Variants in PLOD1 observed in about 807,000 individuals in gnomAD.
PLOD1 encodes the protein procollagen-lysine,2-oxoglutarate 5-dioxygenase 1.
A neutral mutation model predicts 94.7 loss-of-function variants in PLOD1; 70 were observed. The ratio of observed to expected loss-of-function variants is 0.74; its 90% CI spans 0.61 to 0.90. PLOD1 has a LOEUF of 0.90. Ranked by LOEUF, PLOD1 falls within the 40% of genes least tolerant of loss-of-function variation. The pLI is 0.00. For synonymous variants in PLOD1, 417 were observed against 400.2 expected, an observed-to-expected ratio of 1.04 and a Z score of -0.50; for missense variants, 905 against 972.7, an observed-to-expected ratio of 0.93 and a Z score of 0.93.
chr1:11,938,656 G>C (rs1038412032), intron 1 of PLOD1, among the ~76,000 whole-genome samples: 1 of 152,172 alleles, frequency 6.6e-6, no homozygotes, highest in Non-Finnish European at 1.5e-5. Flanking sequence ...GGCAGCTACT[G>C]AGGTGGATTC....
rs755346019 is a variant in PLOD1 at position 11,970,677 on chromosome 1, G to A, written c.1763G>A (p.Arg588His). Residue 588 changes from arginine to histidine, a missense_variant, in exon 17 of 19, where the codon CGC (arginine) becomes CAC (histidine). Arg to His is a conservative substitution (Grantham distance 29). Transcript: ENST00000196061. ...CACCTCGGTCACCTCCAGGACAACC[G>A]CATCCAGGGTGGCTACGAGAACGTG... ...QWSLGNNKDNRIQGGYENVPT... is the reference protein window; with the variant it reads ...QWSLGNNKDNHIQGGYENVPT... The A allele has an allele frequency of 6.8e-6, 11 of 1,613,034 alleles. No homozygotes were observed. Among genetic ancestry groups the A allele is most frequent in the South Asian group, 2.2e-5 (2 of 91,064 alleles).
intron 1 of PLOD1, among the ~76,000 whole-genome samples, chr1:11,940,435 G>A (rs550736402): frequency 1.3e-5 from 2 of 152,218 alleles, no homozygotes; most frequent in South Asian, 4.1e-4. Context: ...GAACCCCCCC[G>A]CAGCTACCAA....
In PLOD1 at chr1:11,972,957, C is replaced by T; in HGVS notation, c.1988C>T (p.Thr663Ile). Residue 663 changes from threonine (T) to isoleucine (I), a missense_variant, in exon 18 of 19, where the codon ACC becomes ATC. Physicochemically the swap from Thr to Ile is moderately conservative, Grantham distance 89 (BLOSUM62 -1). Transcript: ENST00000196061. This position sits in a 1 kb window ranked among gnomAD's most constrained non-coding sequence, Gnocchi z 4.6. ...LMPHHDASTF[T>I]INIALNRVGV... Reference sequence around the variant, plus strand: ...CCACACCATGATGCCTCCACCTTCACCATCAACATCGCCCTGAACCGAGTC... The same window carrying T: ...CCACACCATGATGCCTCCACCTTCATCATCAACATCGCCCTGAACCGAGTC... The T allele has an allele frequency of 6.2e-7, 1 of 1,614,158 alleles. No individual in the cohort carries two copies. The highest frequency in any genetic ancestry group is 8.5e-7 in the Non-Finnish European group (1 of 1,180,010).
chr1:11,953,496 T>C lies in PLOD1; in HGVS notation c.579+761T>C, dbSNP rs142414747. Among the ~76,000 whole-genome samples, 60 of 152,086 alleles carry C rather than the reference T, an allele frequency of 3.9e-4. No individual in the cohort carries two copies. In the East Asian group the frequency reaches 0.011, roughly 29 times the overall value. On this transcript the variant is annotated intron_variant, in intron 5 of 18. Transcript: ENST00000196061. ...TCTCTGTCCCTTGTTTTTTCCGTTA[T>C]GAAATGCAATAATGGGCCAGACCCA...
Position 11,957,215 on chromosome 1 carries a change from C to G in PLOD1, c.741+201C>G. 1 of 752,014 alleles carries G rather than the reference C, an allele frequency of 1.3e-6. No homozygotes were observed. The highest frequency in any genetic ancestry group is 1.4e-5 in the South Asian group (1 of 73,560). The allele number at this position is 752,014 out of a possible 1,614,324, so 46.6% of individuals were successfully genotyped here. Reference sequence around the variant, plus strand: ...GGTGGTCAGTGGTACTCTGTCTGTTCTTGCTGGTCACAGGACACGTAGGAG... The same window carrying G: ...GGTGGTCAGTGGTACTCTGTCTGTTGTTGCTGGTCACAGGACACGTAGGAG... On this transcript the variant is annotated intron_variant, in intron 7 of 18. Transcript: ENST00000196061. This position sits in a 1 kb window ranked among gnomAD's most constrained non-coding sequence, Gnocchi z 4.1.
chr1:11,951,246 C>G (rs555679729), intron 4 of PLOD1, among the ~76,000 whole-genome samples: 1 of 152,196 alleles, frequency 6.6e-6, no homozygotes, highest in African/African-American at 2.4e-5. Flanking sequence ...CATTCTCCAT[C>G]CAGCAGCCAG....
intron 18 of PLOD1, among the ~76,000 whole-genome samples, chr1:11,974,031 T>G (rs1645884973): frequency 6.6e-6 from 1 of 152,086 alleles, no homozygotes; most frequent in African/African-American, 2.4e-5. Flanking sequence ...GATCCTCAGC[T>G]CTCAATTGTA....
intron 5 of PLOD1, among the ~76,000 whole-genome samples, chr1:11,953,358 C>T (rs760629553): frequency 7.9e-5 from 12 of 151,482 alleles, no homozygotes; most frequent in Non-Finnish European, 1.0e-4. Flanking sequence ...GCCCGGCTGT[C>T]GGGTCTTAAA....
At chr1:11,941,366 C>G (rs1645613924) in intron 1 of PLOD1, among the ~76,000 whole-genome samples, 2 of 151,794 alleles carry the variant, frequency 1.3e-5, no homozygotes, top group East Asian at 3.9e-4. Flanking sequence ...GAGTTTCACT[C>G]TGTCACCCGG....
rs558601008 is a variant in PLOD1 at position 11,949,690 on chromosome 1, G to A, written c.169-83G>A. The A allele has an allele frequency of 2.6e-5, 37 of 1,437,084 alleles. No individual in the cohort carries two copies. In the African/African-American group the frequency reaches 4.5e-4, roughly 17 times the overall value. The allele number at this position is 1,437,084 out of a possible 1,614,324, so 89.0% of individuals were successfully genotyped here. The stretch of plus-strand genomic sequence containing the variant: ...ACGTCTCGGCCTCCCAAAGTGCTGG[G>A]ATTACCAGCATGAGCCACCACGGCC... On this transcript the variant is annotated intron_variant, in intron 2 of 18. Coordinates refer to ENST00000196061, the MANE Select transcript of PLOD1 (RefSeq NM_000302.4).
intron 3 of PLOD1, 21 bp from the exon 4 acceptor site, chr1:11,950,336 T>A: frequency 6.2e-7 from 1 of 1,613,702 alleles, no homozygotes; most frequent in Non-Finnish European, 8.5e-7. Flanking sequence ...CTGCTCCGTC[T>A]TCTCGCTGCT....
intron 1 of PLOD1, among the ~76,000 whole-genome samples, chr1:11,936,711 C>T (rs1171628778): frequency 7.9e-5 from 12 of 151,720 alleles, no homozygotes; most frequent in Non-Finnish European, 2.9e-5. Context: ...TTAGAAGAGA[C>T]GAGGTTTCGC....
Position 11,955,906 on chromosome 1 carries a change from G to A in PLOD1, c.644-1011G>A, listed in dbSNP as rs372024042. Reference sequence around the variant, plus strand: ...CTCCCAAAGTGCTGAGATTACAGACGTGAGCCATCGTGCCCAGCCCTATTT... The same window carrying A: ...CTCCCAAAGTGCTGAGATTACAGACATGAGCCATCGTGCCCAGCCCTATTT... On this transcript the variant is annotated intron_variant, in intron 6 of 18. Coordinates refer to ENST00000196061, the MANE Select transcript of PLOD1 (RefSeq NM_000302.4). Among the ~76,000 whole-genome samples the A allele has an allele frequency of 4.6e-5, 7 of 152,102 alleles. No individual in the cohort carries two copies. The East Asian group carries it at 7.8e-4, about 17-fold the overall frequency.
At chr1:11,937,492 C>T (rs1557479981) in intron 1 of PLOD1, among the ~76,000 whole-genome samples, 1 of 152,206 alleles carries the variant, frequency 6.6e-6, no homozygotes, top group East Asian at 1.9e-4. Context: ...GCCTGGGTCC[C>T]CTCACTGGCC....
intron 1 of PLOD1, among the ~76,000 whole-genome samples, chr1:11,935,635 T>G (rs991646868): frequency 2.6e-5 from 4 of 151,674 alleles, no homozygotes; most frequent in Non-Finnish European, 5.9e-5. Context: ...ATTCTTTTTT[T>G]TTTTTTTGAG....
chr1:11,959,119 C>G (rs561684362), intron 9 of PLOD1, among the ~76,000 whole-genome samples: 1 of 151,932 alleles, frequency 6.6e-6, no homozygotes, highest in South Asian at 2.1e-4. Flanking sequence ...GCAGGAGAAT[C>G]GCTTGAACCT....
At chr1:11,970,856 T>C in intron 17 of PLOD1, 40 bp downstream of exon 17, 1 of 1,267,430 alleles carries the variant, frequency 7.9e-7, no homozygotes, top group Non-Finnish European at 1.0e-6. Flanking sequence ...CGGGGACAGT[T>C]GGGTGGGGTG....
intron 5 of PLOD1, among the ~76,000 whole-genome samples, chr1:11,953,529 A>T (rs1001327611): frequency 1.3e-5 from 2 of 151,724 alleles, no homozygotes; most frequent in Admixed American, 6.6e-5. Flanking sequence ...CCAGTGGCTC[A>T]TGCCTGTAAT....
At chr1:11,962,378 G>A (rs983878822) in intron 10 of PLOD1, among the ~76,000 whole-genome samples, 2 of 141,136 alleles carry the variant, frequency 1.4e-5, no homozygotes, top group Admixed American at 7.7e-5. Context: ...CCACGTTCAC[G>A]CCATTCTCCT....
Sources: allele counts gnomAD v4.1 joint callset (sites outside exome capture counted in the v4.1 genomes callset), GRCh38; gene constraint gnomAD v4.1.1; non-coding constraint Gnocchi (gnomAD v3.1); transcripts MANE v1.5; gene names NCBI Gene and HGNC (gene_info 2026-07-23, HGNC 2026-07-21).